Variants in MED22 observed in about 807,000 individuals in gnomAD.
The protein encoded by MED22 is mediator of RNA polymerase II transcription subunit 22.
A neutral mutation model predicts 22.7 loss-of-function variants in MED22; 22 were observed. The observed-to-expected ratio is 0.97, with a 90% CI of 0.69 to 1.38. MED22 has a LOEUF of 1.38. MED22 is among the 40% of genes most tolerant of loss of function. MED22 has a pLI of 0.00. For missense variants in MED22, 247 were observed against 263.0 expected, an observed-to-expected ratio of 0.94 and a Z score of 0.42; for synonymous variants, 134 against 119.4, an observed-to-expected ratio of 1.12 and a Z score of -0.80.
chr9:133,341,672 C>G lies in MED22; in HGVS notation c.436G>C (p.Asp146His), dbSNP rs2129950082. The G allele has an allele frequency of 6.2e-7, 1 of 1,607,998 alleles. No homozygotes were observed. The highest frequency in any genetic ancestry group is 2.3e-5 in the East Asian group (1 of 44,180). Residue 146 changes from aspartate (D) to histidine (H), a missense_variant, in exon 5 of 5, where the codon GAC becomes CAC. Asp to His is a moderately conservative substitution (Grantham distance 81). Coordinates refer to ENST00000343730, the MANE Select transcript of MED22 (RefSeq NM_133640.5). ...CCGTAAGCTTCGCACAGAGGCAGGT[C>G]ATTAGCTTCGCAAAGGCTTGAGCTT... ...SSSSSLCEAN[D>H]LPLCEAYGRL...
intron 2 of MED22, among the ~76,000 whole-genome samples, chr9:133,346,150 G>A (rs2129967360): frequency 4.6e-5 from 7 of 152,236 alleles, no homozygotes; most frequent in Non-Finnish European, 1.0e-4. Context: ...AGCTGCAGTG[G>A]TCAGCAGGCT....
Position 133,348,006 on chromosome 9 carries a change from T to A in MED22, c.-123A>T, listed in dbSNP as rs1201143828. 1 of 597,052 alleles carries A rather than the reference T, an allele frequency of 1.7e-6. No homozygotes were observed. Among genetic ancestry groups the A allele is most frequent in the Non-Finnish European group, 3.0e-6 (1 of 336,364 alleles). 37.0% of individuals were successfully genotyped at this position (597,052 alleles called of 1,614,324 possible). ...TCAAGTGCCTCTGCGACCCGCACTT[T>A]CCCGCGTCTCTCCCACGGCCTGGCC... is the stretch of plus-strand genomic sequence containing the variant. On this transcript the variant is annotated 5_prime_UTR_variant, in exon 1 of 5. Transcript: ENST00000343730.
intron 4 of MED22, chr9:133,342,368 G>A (rs1836032333): frequency 1.0e-6 from 1 of 986,094 alleles, no homozygotes; most frequent in Non-Finnish European, 1.2e-6. Flanking sequence ...CAGGGGCCCT[G>A]GCTTTCCCGC....
chr9:133,343,448 T>C (rs1836074645), intron 4 of MED22: 2 of 1,227,674 alleles, frequency 1.6e-6, no homozygotes. Context: ...TTCAGCTTCT[T>C]ACGGAGCCCC....
At chr9:133,342,930 A>AG in intron 4 of MED22, 1 of 985,706 alleles carries the variant, frequency 1.0e-6, no homozygotes, top group Non-Finnish European at 1.2e-6. Context: ...AGGGGCCCTC[A>AG]GGGACGGTGG....
chr9:133,342,696 AG>A, intron 4 of MED22: 1 of 985,832 alleles, frequency 1.0e-6, no homozygotes, highest in Non-Finnish European at 1.2e-6. Context: ...GAGGCCCCCC[AG>A]GGGGCGCTGG....
In MED22 at chr9:133,343,798, G is replaced by A. The variant is rs149450027; in HGVS notation, c.413+327C>T. ...AACAGGAGCAGCACAGCCCCAGAAC[G>A]CACTGCCCGAGGAGGAAGGCTCTCG... On this transcript the variant is annotated intron_variant, in intron 4 of 4. Transcript: ENST00000343730. 2,296 of 1,387,378 alleles carry A rather than the reference G, an allele frequency of 1.7e-3. 14 individuals carry two copies. The highest frequency in any genetic ancestry group is 4.5e-3 in the East Asian group (176 of 39,298). 85.9% of individuals were successfully genotyped at this position (1,387,378 alleles called of 1,614,324 possible).
chr9:133,340,163 T>C lies in MED22; in HGVS notation c.*1342A>G, dbSNP rs2129944428. On this transcript the variant is annotated 3_prime_UTR_variant, in exon 5 of 5. Transcript: ENST00000343730. ...TAGTGCGGGAACAGATCACCACACG[T>C]ATCAATGGGGAAATTCTCCCTCAGA... 1.3e-5 allele frequency: 2 copies of C among 152,162 alleles called. No individual in the cohort carries two copies. The highest frequency in any genetic ancestry group is 2.9e-5 in the Non-Finnish European group (2 of 68,034). The allele number at this position is 152,162 out of a possible 1,614,324, so 9.4% of individuals were successfully genotyped here.
rs2129963927 is a variant in MED22, at chr9:133,345,161, T to C, written c.204+11A>G. On this transcript the variant is annotated intron_variant, in intron 3 of 4. Transcript: ENST00000343730. Reference sequence around the variant, plus strand: ...GGAGCCCAGGCCGTGCCCTCCACCCTGGCCACTCACGATGTTGGCGGCTCG... The same window carrying C: ...GGAGCCCAGGCCGTGCCCTCCACCCCGGCCACTCACGATGTTGGCGGCTCG... 28 of 1,613,498 alleles carry C rather than the reference T, an allele frequency of 1.7e-5. 1 individual carries two copies. Among genetic ancestry groups the C allele is most frequent in the Non-Finnish European group, 2.1e-5 (25 of 1,179,924 alleles).
Position 133,341,696 on chromosome 9 carries a change from T to C in MED22, c.414-2A>G, listed in dbSNP as rs1360054967. ...TCATTAGCTTCGCAAAGGCTTGAGC[T>C]TTTCCACCACCAGAAACCCCAGGGA... is the stretch of plus-strand genomic sequence containing the variant. On this transcript the variant is annotated splice_acceptor_variant, in intron 4 of 4. Transcript: ENST00000343730. LOFTEE classifies it high-confidence loss of function. 5.0e-6 allele frequency: 8 copies of C among 1,604,340 alleles called. No individual in the cohort carries two copies. The highest frequency in any genetic ancestry group is 5.1e-6 in the Non-Finnish European group (6 of 1,175,856).
chr9:133,342,694 C>G, intron 4 of MED22: 1 of 985,880 alleles, frequency 1.0e-6, no homozygotes, highest in Non-Finnish European at 1.2e-6. Context: ...GTGAGGCCCC[C>G]CAGGGGGCGC....
intron 4 of MED22, chr9:133,343,914 T>C (rs1836091582): frequency 1.4e-6 from 2 of 1,433,472 alleles, no homozygotes; most frequent in South Asian, 3.0e-5. Flanking sequence ...TTCATCACAT[T>C]GCACTGTGGG....
In MED22 at chr9:133,339,511, A is replaced by T; in HGVS notation, c.*1994T>A. On this transcript the variant is annotated 3_prime_UTR_variant, in exon 5 of 5. Coordinates refer to ENST00000343730, the MANE Select transcript of MED22 (RefSeq NM_133640.5). ...GACCTCTGGACTAGAAAGAAAAAAA[A>T]TAGGCATTAAAAAAACTATTTGGGG... 1 of 600,608 alleles carries T rather than the reference A, an allele frequency of 1.7e-6. No individual in the cohort carries two copies. The highest frequency in any genetic ancestry group is 1.7e-5 in the South Asian group (1 of 60,500). The allele number at this position is 600,608 out of a possible 1,614,324, so 37.2% of individuals were successfully genotyped here.
intron 3 of MED22, 71 bp from the exon 4 acceptor site, chr9:133,344,404 CT>C (rs1396544435): frequency 2.6e-6 from 4 of 1,518,128 alleles, no homozygotes; most frequent in Non-Finnish European, 3.6e-6. Context: ...GTAGCTGATG[CT>C]GGGCAAGGGA....
chr9:133,342,879 A>C (rs1836053747), intron 4 of MED22: 4 of 985,566 alleles, frequency 4.1e-6, no homozygotes, highest in Non-Finnish European at 4.8e-6. Flanking sequence ...CCCCAAGGCA[A>C]GGCAGGCAGG....
rs2129944949 is a variant in MED22, at chr9:133,340,419, G to A, written c.*1086C>T. 2.1e-4 allele frequency: 32 copies of A among 151,040 alleles called. No individual in the cohort carries two copies. The highest frequency in any genetic ancestry group is 7.8e-4 in the African/African-American group (32 of 40,918). The allele number at this position is 151,040 out of a possible 1,614,324, so 9.4% of individuals were successfully genotyped here. A position where few individuals can be genotyped will look rare whatever the true frequency, so the allele number is the denominator to read the frequency against. Reference sequence around the variant, plus strand: ...CATGAGAAGATGAAGCACATGGATGGTGCTGGAGGAACTGGGGTGGGGTGC... The same window carrying A: ...CATGAGAAGATGAAGCACATGGATGATGCTGGAGGAACTGGGGTGGGGTGC... On this transcript the variant is annotated 3_prime_UTR_variant, in exon 5 of 5. Transcript: ENST00000343730.
Position 133,341,586 on chromosome 9 carries a change from C to T in MED22, c.522G>A (p.Pro174=), listed in dbSNP as rs144480956. 4.0e-5 allele frequency: 63 copies of T among 1,582,678 alleles called. No homozygotes were observed. The highest frequency in any genetic ancestry group is 2.5e-4 in the South Asian group (22 of 86,406). ...DGLSAPLLAS[P]EPSAGPLQVA... Reference sequence around the variant, plus strand: ...CCTGTAGGGGGCCAGCACTGGGCTCCGGGGACGCCAGCAGAGGGGCCGAGA... The same window carrying T: ...CCTGTAGGGGGCCAGCACTGGGCTCTGGGGACGCCAGCAGAGGGGCCGAGA... Residue 174 remains proline, a synonymous_variant, in exon 5 of 5, where the codon CCG becomes CCA. Transcript: ENST00000343730.
chr9:133,344,378 G>A (rs1836120333), intron 3 of MED22, 45 bp from the exon 4 acceptor site: 1 of 1,603,100 alleles, frequency 6.2e-7, no homozygotes, highest in South Asian at 1.1e-5. Flanking sequence ...AGGGGGGACA[G>A]CGGCCTTGCC....
intron 4 of MED22, 164 bp from the exon 5 acceptor site, chr9:133,341,858 C>A: frequency 7.2e-7 from 1 of 1,396,106 alleles, no homozygotes; most frequent in Non-Finnish European, 9.2e-7. Context: ...AGTTGGCAGG[C>A]CTGGCAAGGA....
Sources: gnomAD v4.1 joint callset for allele counts (sites outside exome capture counted in the v4.1 genomes callset) on GRCh38, gnomAD v4.1.1 for gene constraint, MANE v1.5 for transcripts, NCBI Gene and HGNC (gene_info 2026-07-23, HGNC 2026-07-21) for gene names.